Variants in BTBD9 observed in about 807,000 individuals in gnomAD.
BTBD9 encodes the protein BTB/POZ domain-containing protein 9.
Under a neutral mutation model 64.3 loss-of-function variants are expected in BTBD9, and 49 were observed. The ratio of observed to expected loss-of-function variants is 0.76; its 90% CI spans 0.61 to 0.97. The LOEUF is 0.97. Ranked by LOEUF, BTBD9 falls within the 50% of genes least tolerant of loss-of-function variation. The probability of loss-of-function intolerance (pLI) is 0.00; values close to 1 mark genes in which losing one functional copy is unlikely to be tolerated. For synonymous variants in BTBD9, 260 were observed against 274.7 expected (o/e 0.95, Z 0.53); for missense variants, 598 against 762.1 (o/e 0.78, Z 2.53).
At chr6:38,263,914 TAC>T (rs1764879221) in intron 8 of BTBD9, among the ~76,000 whole-genome samples, 1 of 152,132 alleles carries the variant, frequency 6.6e-6, no homozygotes, top group Admixed American at 6.5e-5. Context: ...ACAGAAAAGG[TAC>T]GCAATAAGAG....
intron 6 of BTBD9, among the ~76,000 whole-genome samples, chr6:38,539,663 AC>A (rs1774179013): frequency 6.6e-6 from 1 of 152,224 alleles, no homozygotes; most frequent in Non-Finnish European, 1.5e-5. Flanking sequence ...AATATGAAAA[AC>A]GACCTATGTT....
Position 38,599,722 on chromosome 6 carries a change from T to C in BTBD9, c.-27-1601A>G, listed in dbSNP as rs577390074. Among the ~76,000 whole-genome samples the C allele has an allele frequency of 1.3e-4, 20 of 152,278 alleles. No individual in the cohort carries two copies. In the South Asian group the frequency reaches 4.1e-3, roughly 32 times the overall value. The stretch of plus-strand genomic sequence containing the variant: ...TCCAGATCATTATTAGCAAGGTGTG[T>C]CAAAAATAGTCTTTCTCTTCTGTGA... On this transcript the variant is annotated intron_variant, in intron 1 of 10. Coordinates refer to ENST00000481247, the MANE Select transcript of BTBD9 (RefSeq NM_001099272.2).
In BTBD9 at chr6:38,266,587, GGAAAGAAAGGAAAGAAAGGAAAGAAA is replaced by G. The variant is rs762863350; in HGVS notation, c.1455-10097_1455-10072del. On this transcript the variant is annotated intron_variant, in intron 8 of 10. Transcript: ENST00000481247. Reference sequence around the variant, plus strand: ...AAACTCAGTCTCAACAAGAAAGAAAGGAAAGAAAGGAAAGAAAGGAAAGAAAGAAAGAAAGAAAGAAAGAAAGAAAG... The same window carrying G: ...AAACTCAGTCTCAACAAGAAAGAAAGGAAAGAAAGAAAGAAAGAAAGAAAG... Among the ~76,000 whole-genome samples, 339 of 85,332 alleles carry G rather than the reference GGAAAGAAAGGAAAGAAAGGAAAGAAA, an allele frequency of 4.0e-3. 2 individuals are homozygous for G. The highest frequency in any genetic ancestry group is 0.019 in the Admixed American group (138 of 7,170). The allele number at this position is 85,332 out of a possible 152,430, so 56.0% of individuals were successfully genotyped here.
chr6:38,595,582 A>C lies in BTBD9; in HGVS notation c.186-1255T>G, dbSNP rs530808914. 1.7e-4 allele frequency among the ~76,000 whole-genome samples: 26 copies of C among 152,312 alleles called. No individual in the cohort carries two copies. The South Asian group carries it at 1.9e-3, about 11-fold the overall frequency. On this transcript the variant is annotated intron_variant, in intron 2 of 10. Transcript: ENST00000481247. ...CAGAATGAGAAAGAAAAGATGCAAA[A>C]GTGAGAGGAAGAGACTGGAAATAAG...
At chr6:38,293,548 A>T (rs1379715274) in intron 7 of BTBD9, among the ~76,000 whole-genome samples, 1 of 152,206 alleles carries the variant, frequency 6.6e-6, no homozygotes, top group Non-Finnish European at 1.5e-5. Context: ...GACAAACCTG[A>T]CAAAAACAAG....
intron 7 of BTBD9, among the ~76,000 whole-genome samples, chr6:38,319,615 G>A (rs1334236830): frequency 6.6e-6 from 1 of 152,048 alleles, no homozygotes; most frequent in Non-Finnish European, 1.5e-5. Flanking sequence ...GGAGGCCTCA[G>A]GACTCTGCCC....
intron 6 of BTBD9, among the ~76,000 whole-genome samples, chr6:38,499,821 G>A (rs984682857): frequency 1.3e-5 from 2 of 152,160 alleles, no homozygotes; most frequent in African/African-American, 2.4e-5. Context: ...GAGTAAATAC[G>A]ATATTCTGTT....
intron 6 of BTBD9, among the ~76,000 whole-genome samples, chr6:38,576,966 C>T (rs1776064729): frequency 6.6e-6 from 1 of 152,062 alleles, no homozygotes; most frequent in South Asian, 2.1e-4. Context: ...TAAAAGACAA[C>T]CATATCGAGG....
At position 38,171,846 on chromosome 6, in the gene BTBD9, C is replaced by CAAAAAAAAAAAAA. The variant is rs869155666; in HGVS notation, c.*3126_*3138dup. The CAAAAAAAAAAAAA allele has an allele frequency of 2.5e-4, 20 of 79,200 alleles. No individual in the cohort carries two copies. The highest frequency in any genetic ancestry group is 2.8e-4 in the Non-Finnish European group (13 of 45,694). The allele number at this position is 79,200 out of a possible 1,614,324, so 4.9% of individuals were successfully genotyped here. On this transcript the variant is annotated 3_prime_UTR_variant, in exon 11 of 11. Coordinates refer to ENST00000481247, the MANE Select transcript of BTBD9 (RefSeq NM_001099272.2). The stretch of plus-strand genomic sequence containing the variant: ...TCCAATGAAGTTGCCTTTCTACTCT[C>CAAAAAAAAAAAAA]AAAAAAAAAAAAAAAAAAAAAAAAA...
chr6:38,321,563 G>A (rs1763232243), intron 7 of BTBD9, among the ~76,000 whole-genome samples: 1 of 152,172 alleles, frequency 6.6e-6, no homozygotes, highest in Admixed American at 6.5e-5. Context: ...TTGAAAGGCT[G>A]TGTGATAACA....
At chr6:38,588,319 T>C in intron 4 of BTBD9, 1 of 1,001,140 alleles carries the variant, frequency 1.0e-6, no homozygotes, top group South Asian at 1.3e-5. Flanking sequence ...TGCACAAATT[T>C]ATACTACCCA....
In BTBD9 at chr6:38,514,128, A is replaced by T. The variant is rs115530696; in HGVS notation, c.1154+63472T>A. On this transcript the variant is annotated intron_variant, in intron 6 of 10. Transcript: ENST00000481247. Reference sequence around the variant, plus strand: ...CAACCAGTCTTCTGGTGCAGTAAGAATGCCAATTAAAATGGCTGGTATAAG... The same window carrying T: ...CAACCAGTCTTCTGGTGCAGTAAGATTGCCAATTAAAATGGCTGGTATAAG... Among the ~76,000 whole-genome samples the T allele has an allele frequency of 1.4e-3, 214 of 152,372 alleles. 1 individual carries two copies. Among genetic ancestry groups the T allele is most frequent in the Non-Finnish European group, 2.4e-3 (161 of 68,032 alleles).
intron 1 of BTBD9, among the ~76,000 whole-genome samples, chr6:38,638,143 T>C (rs1778591952): frequency 6.6e-6 from 1 of 152,238 alleles, no homozygotes; most frequent in Non-Finnish European, 1.5e-5. Flanking sequence ...AAATCTTGCC[T>C]CTTTCAAAGA....
chr6:38,194,281 G>A (rs1481172497), intron 9 of BTBD9, among the ~76,000 whole-genome samples: 1 of 152,182 alleles, frequency 6.6e-6, no homozygotes, highest in African/African-American at 2.4e-5. Context: ...AGCAGCCCCT[G>A]GCCAAGGTTC....
rs1561821651 is a variant in BTBD9 at position 38,171,868 on chromosome 6, AAAAAAAAAAAAAAATAATAAT to A, written c.*3096_*3116del. On this transcript the variant is annotated 3_prime_UTR_variant, in exon 11 of 11. Coordinates refer to ENST00000481247, the MANE Select transcript of BTBD9 (RefSeq NM_001099272.2). ...TCTCAAAAAAAAAAAAAAAAAAAAA[AAAAAAAAAAAAAAATAATAAT>A]AATAATAATAATAATAATAATGAAA... 2.3e-4 allele frequency: 26 copies of A among 111,768 alleles called. No individual in the cohort carries two copies. The highest frequency in any genetic ancestry group is 2.2e-3 in the Admixed American group (25 of 11,530). The allele number at this position is 111,768 out of a possible 1,614,324, so 6.9% of individuals were successfully genotyped here.
intron 7 of BTBD9, among the ~76,000 whole-genome samples, chr6:38,293,128 TTGAG>T (rs1188867692): frequency 6.6e-6 from 1 of 152,014 alleles, no homozygotes; most frequent in Non-Finnish European, 1.5e-5. Context: ...TTGTGCAGTT[TTGAG>T]TGAGTTTCTC....
In BTBD9 at chr6:38,598,111, T is replaced by C. The variant is rs762536954; in HGVS notation, c.-17A>G. ...GTTACTCATCTTGTGGAATAGACGA[T>C]AGTCGTTGTTCTATCATATAAAGAA... is the stretch of plus-strand genomic sequence containing the variant. On this transcript the variant is annotated 5_prime_UTR_variant, in exon 2 of 11. Coordinates refer to ENST00000481247, the MANE Select transcript of BTBD9 (RefSeq NM_001099272.2). The C allele has an allele frequency of 3.1e-5, 50 of 1,608,994 alleles. No individual in the cohort carries two copies. The highest frequency in any genetic ancestry group is 4.2e-5 in the Non-Finnish European group (49 of 1,177,002).
chr6:38,451,940 T>A (rs1018544802), intron 6 of BTBD9, among the ~76,000 whole-genome samples: 2 of 152,090 alleles, frequency 1.3e-5, no homozygotes, highest in Non-Finnish European at 2.9e-5. Flanking sequence ...GAACTACAAA[T>A]TTTTTAAAGT....
chr6:38,362,410 T>C (rs1764998842), intron 6 of BTBD9, among the ~76,000 whole-genome samples: 1 of 152,344 alleles, frequency 6.6e-6, no homozygotes, highest in Non-Finnish European at 1.5e-5. Context: ...CGGAATGCAC[T>C]AAAATGTTTA....
Sources: allele counts gnomAD v4.1 joint callset (sites outside exome capture counted in the v4.1 genomes callset), GRCh38; gene constraint gnomAD v4.1.1; transcripts MANE v1.5; gene names NCBI Gene and HGNC (gene_info 2026-07-23, HGNC 2026-07-21).